Variants in CFAP251 observed in about 807,000 individuals in gnomAD.
CFAP251 encodes the protein cilia and flagella associated protein 251.
In CFAP251, 93 loss-of-function variants were observed where a neutral mutation model predicts 126.7. The ratio of observed to expected loss-of-function variants is 0.73; its 90% confidence interval spans 0.62 to 0.87. The LOEUF is 0.87. Ranked by LOEUF, CFAP251 falls within the 40% of genes least tolerant of loss-of-function variation. The pLI, the probability that CFAP251 is intolerant of heterozygous loss-of-function variation, is 0.00. For synonymous variants in CFAP251, 503 were observed against 506.9 expected (o/e 0.99, Z 0.10); for missense variants, 1,287 against 1,389.2 (o/e 0.93, Z 1.17).
At chr12:121,921,194 A>T in intron 1 of CFAP251, 92 bp from the exon 2 acceptor site, 3 of 1,369,796 alleles carry the variant, frequency 2.2e-6, no homozygotes, top group Non-Finnish European at 2.9e-6. Flanking sequence ...GAACAGAGCC[A>T]TTTATGCACA....
At chr12:121,947,178 A>G (rs974487676) in intron 7 of CFAP251, among the ~76,000 whole-genome samples, 8 of 152,136 alleles carry the variant, frequency 5.3e-5, no homozygotes, top group Non-Finnish European at 7.4e-5. Flanking sequence ...GTTTTCTACT[A>G]TAATTTGTCT....
intron 5 of CFAP251, among the ~76,000 whole-genome samples, chr12:121,938,365 A>G (rs956518845): frequency 2.0e-5 from 3 of 151,990 alleles, no homozygotes; most frequent in African/African-American, 4.8e-5. Context: ...TCTGTTGCCC[A>G]GGCTAGAGTG....
At chr12:121,938,416 G>T (rs922481171) in intron 5 of CFAP251, among the ~76,000 whole-genome samples, 1 of 151,828 alleles carries the variant, frequency 6.6e-6, no homozygotes, top group African/African-American at 2.4e-5. Flanking sequence ...CTATCTCCTG[G>T]GCTCAGATGA....
chr12:121,951,915 G>A (rs1881543040), intron 9 of CFAP251, among the ~76,000 whole-genome samples: 1 of 151,674 alleles, frequency 6.6e-6, no homozygotes, highest in African/African-American at 2.4e-5. Flanking sequence ...GTAGAGACGG[G>A]GTTTCACTGT....
chr12:121,993,006 C>T (rs1882913364), intron 19 of CFAP251, among the ~76,000 whole-genome samples: 1 of 147,334 alleles, frequency 6.8e-6, no homozygotes, highest in Non-Finnish European at 1.5e-5. Context: ...TCCCTCTCCC[C>T]ACGGTCTCCC....
At chr12:121,933,457 A>G (rs1006933448) in intron 4 of CFAP251, 1 of 152,344 alleles carries the variant, frequency 6.6e-6, no homozygotes, top group Non-Finnish European at 1.5e-5. Flanking sequence ...GAGTGCTGCC[A>G]TTTGTGTTCC....
chr12:121,921,221 G>C, intron 1 of CFAP251, 65 bp from the exon 2 acceptor site: 1 of 1,486,958 alleles, frequency 6.7e-7, no homozygotes, highest in Non-Finnish European at 9.0e-7. Flanking sequence ...CAGTAGGTTA[G>C]TGCACTAGGA....
At chr12:121,963,523 C>T (rs748422625) in intron 15 of CFAP251, among the ~76,000 whole-genome samples, 2 of 150,998 alleles carry the variant, frequency 1.3e-5, no homozygotes, top group African/African-American at 4.9e-5. Flanking sequence ...GGGAGCAGGG[C>T]GTCCGCTGCT....
chr12:121,960,533 T>C, intron 13 of CFAP251, 52 bp from the exon 14 acceptor site: 1 of 1,598,868 alleles, frequency 6.3e-7, no homozygotes. Context: ...TGATGATTCT[T>C]AATTTACTAA....
intron 7 of CFAP251, among the ~76,000 whole-genome samples, chr12:121,945,948 G>A (rs1881309930): frequency 6.6e-6 from 1 of 152,126 alleles, no homozygotes; most frequent in Non-Finnish European, 1.5e-5. Flanking sequence ...TTACAGGCGT[G>A]AGCCACCATG....
intron 10 of CFAP251, among the ~76,000 whole-genome samples, chr12:121,954,933 T>C (rs1881675961): frequency 1.3e-5 from 2 of 152,192 alleles, no homozygotes; most frequent in Admixed American, 1.3e-4. Context: ...TTGGATGGAT[T>C]TTGCACCCAA....
chr12:121,946,895 A>G (rs929875233), intron 7 of CFAP251, among the ~76,000 whole-genome samples: 11 of 152,258 alleles, frequency 7.2e-5, no homozygotes, highest in East Asian at 3.9e-4. Context: ...CAGCTTTTCA[A>G]TGATGTGTCT....
intron 21 of CFAP251, 143 bp from the exon 22 acceptor site, chr12:122,003,509 G>C (rs1883191292): frequency 5.2e-6 from 3 of 571,766 alleles, no homozygotes; most frequent in Non-Finnish European, 9.2e-6. Flanking sequence ...GGAGTTCAAG[G>C]CTGCAGTGAG....
intron 19 of CFAP251, chr12:121,997,491 G>C (rs776196796): frequency 6.6e-6 from 1 of 150,750 alleles, no homozygotes; most frequent in Non-Finnish European, 1.5e-5. Flanking sequence ...CTGGGTGATA[G>C]AGCGAGATTC....
At chr12:121,925,142 G>GT (rs1880361270) in intron 3 of CFAP251, among the ~76,000 whole-genome samples, 1 of 151,968 alleles carries the variant, frequency 6.6e-6, no homozygotes, top group Admixed American at 6.6e-5. Context: ...TCCATTCCAA[G>GT]AGGGTCCCAG....
At chr12:121,982,348 A>G (rs1485177969) in intron 19 of CFAP251, among the ~76,000 whole-genome samples, 2 of 151,170 alleles carry the variant, frequency 1.3e-5, no homozygotes, top group Non-Finnish European at 2.9e-5. Flanking sequence ...CTGATATTAT[A>G]GGCGCACATC....
intron 21 of CFAP251, among the ~76,000 whole-genome samples, chr12:122,002,932 GATAATTT>G (rs1349542799): frequency 1.3e-5 from 2 of 152,102 alleles, no homozygotes; most frequent in African/African-American, 2.4e-5. Flanking sequence ...CCTGAACTCA[GATAATTT>G]CAGACTCCAG....
intron 11 of CFAP251, among the ~76,000 whole-genome samples, chr12:121,957,590 G>T (rs1881772434): frequency 6.6e-6 from 1 of 151,714 alleles, no homozygotes; most frequent in Non-Finnish European, 1.5e-5. Context: ...TGTAGTCCCA[G>T]CTACTCGGGA....
chr12:121,975,146 G>A, intron 17 of CFAP251, 98 bp from the exon 18 acceptor site: 1 of 917,158 alleles, frequency 1.1e-6, no homozygotes, highest in Admixed American at 1.9e-5. Flanking sequence ...TCTGTGCTGT[G>A]ATACCCTTCA....
Sources: gnomAD v4.1 joint callset for allele counts (sites outside exome capture counted in the v4.1 genomes callset) on GRCh38, gnomAD v4.1.1 for gene constraint, MANE v1.5 for transcripts, NCBI Gene and HGNC (gene_info 2026-07-23, HGNC 2026-07-21) for gene names.